Variants in MRPS6 observed in about 807,000 individuals in gnomAD.
MRPS6 encodes the protein small ribosomal subunit protein bS6m.
In MRPS6, 6 loss-of-function variants were observed where a neutral mutation model predicts 13.1. The ratio of observed to expected loss-of-function variants is 0.46; its 90% confidence interval spans 0.25 to 0.91. The LOEUF (loss-of-function observed/expected upper bound fraction) is 0.91. Among genes scored for constraint, MRPS6 ranks in the 40% least tolerant of loss-of-function variants. MRPS6 has a pLI of 0.18. For synonymous variants in MRPS6, 61 were observed against 56.5 expected, an observed-to-expected ratio of 1.08 and a Z score of -0.36; for missense variants, 164 against 155.6, an observed-to-expected ratio of 1.05 and a Z score of -0.29.
intron 1 of MRPS6, chr21:34,101,875 G>T: frequency 1.0e-6 from 1 of 1,000,108 alleles, no homozygotes; most frequent in Non-Finnish European, 1.2e-6. Context: ...TCAAAAATTA[G>T]GGAGAGAGCA....
At chr21:34,104,188 A>G (rs1979373207) in intron 1 of MRPS6, 3 of 999,894 alleles carry the variant, frequency 3.0e-6, no homozygotes, top group South Asian at 9.4e-5. Context: ...GAGTGTTCTG[A>G]GCATCAGACT....
At chr21:34,131,268 T>C (rs1189519571) in intron 2 of MRPS6, among the ~76,000 whole-genome samples, 2 of 152,350 alleles carry the variant, frequency 1.3e-5, no homozygotes, top group East Asian at 3.9e-4. Context: ...CCACGTGCGT[T>C]AGGACTTCTG....
chr21:34,099,491 G>C, intron 1 of MRPS6: 1 of 999,788 alleles, frequency 1.0e-6, no homozygotes, highest in Non-Finnish European at 1.2e-6. Context: ...TAAGTTGTAA[G>C]AACTAAAATT....
intron 1 of MRPS6, among the ~76,000 whole-genome samples, chr21:34,084,192 A>G (rs188957056): frequency 6.6e-6 from 1 of 152,356 alleles, no homozygotes; most frequent in African/African-American, 2.4e-5. Flanking sequence ...TTTCCAACTG[A>G]AAAGTATCTT....
chr21:34,095,864 C>G (rs752298091), intron 1 of MRPS6: 2 of 1,613,912 alleles, frequency 1.2e-6, no homozygotes, highest in African/African-American at 1.3e-5. Context: ...TGGCCTCACC[C>G]GATGTCACTT....
chr21:34,126,965 G>C (rs1310015084), intron 2 of MRPS6, among the ~76,000 whole-genome samples: 1 of 152,120 alleles, frequency 6.6e-6, no homozygotes, highest in Non-Finnish European at 1.5e-5. Flanking sequence ...GGGGTTGGGG[G>C]TGGGTAGCCG....
chr21:34,096,206 C>G lies in MRPS6; in HGVS notation c.45+22461C>G. The G allele has an allele frequency of 6.2e-7, 1 of 1,614,206 alleles. No homozygotes were observed. The highest frequency in any genetic ancestry group is 8.5e-7 in the Non-Finnish European group (1 of 1,180,026). ...TAGCTTGCATCAACCCAGAGCACTG[C>G]ATGCTGGTGTGTGGAAGCAGAGCTG... On this transcript the variant is annotated intron_variant, in intron 1 of 2. Coordinates refer to ENST00000399312, the MANE Select transcript of MRPS6 (RefSeq NM_032476.4). This position sits in a 1 kb window ranked among gnomAD's most constrained non-coding sequence, Gnocchi z 5.9.
intron 1 of MRPS6, among the ~76,000 whole-genome samples, chr21:34,110,830 A>C (rs1465303933): frequency 1.3e-5 from 2 of 152,360 alleles, no homozygotes; most frequent in African/African-American, 4.8e-5. Flanking sequence ...CAGTGATAAC[A>C]TTGTGCTCAA....
At chr21:34,125,208 T>C in intron 1 of MRPS6, 133 bp from the exon 2 acceptor site, 5 of 1,357,976 alleles carry the variant, frequency 3.7e-6, no homozygotes. Context: ...CAAAACCAGC[T>C]TCTGTTGCTT....
chr21:34,113,014 AC>A (rs766058574), intron 1 of MRPS6, among the ~76,000 whole-genome samples: 5 of 152,056 alleles, frequency 3.3e-5, no homozygotes, highest in African/African-American at 7.2e-5. Context: ...CAAATGAACA[AC>A]AACAACAACA....
intron 1 of MRPS6, among the ~76,000 whole-genome samples, chr21:34,092,540 G>A (rs977224968): frequency 6.6e-6 from 1 of 152,198 alleles, no homozygotes; most frequent in Non-Finnish European, 1.5e-5. Context: ...GAAGTTAGGA[G>A]TTAGGGCTAG....
intron 2 of MRPS6, 23 bp from the exon 3 acceptor site, chr21:34,142,385 C>T: frequency 6.5e-7 from 1 of 1,546,444 alleles, no homozygotes; most frequent in Non-Finnish European, 8.7e-7. Context: ...TGCAGACACT[C>T]ACAAGTTTTT....
rs199920454 is a variant in MRPS6 at position 34,142,540 on chromosome 21, A to G, written c.318A>G (p.Glu106=). Residue 106 remains glutamate, a synonymous_variant, in exon 3 of 3, where the codon GAA becomes GAG. Transcript: ENST00000399312. ...HPLTQELKEC[E]GIVPVPLAEK... ...TGACCCAGGAACTAAAAGAATGTGAAGGGATTGTCCCAGTCCCACTCGCAG... is the reference window on the plus strand; with the variant it reads ...TGACCCAGGAACTAAAAGAATGTGAGGGGATTGTCCCAGTCCCACTCGCAG... The G allele has an allele frequency of 3.7e-6, 6 of 1,613,592 alleles. No homozygotes were observed. In the East Asian group the frequency reaches 1.1e-4, roughly 30 times the overall value.
intron 2 of MRPS6, among the ~76,000 whole-genome samples, chr21:34,140,430 G>A (rs1475753411): frequency 1.1e-4 from 17 of 152,116 alleles, no homozygotes; most frequent in Middle Eastern, 3.4e-3. Context: ...GGCATTTTTC[G>A]AAGATTTTTG....
chr21:34,079,372 C>T (rs898904179), intron 1 of MRPS6, among the ~76,000 whole-genome samples: 1 of 152,030 alleles, frequency 6.6e-6, no homozygotes, highest in Non-Finnish European at 1.5e-5. Flanking sequence ...TTTCTAGGTG[C>T]ATCATTTTTC....
At chr21:34,131,497 T>G in intron 2 of MRPS6, among the ~76,000 whole-genome samples, 1 of 152,170 alleles carries the variant, frequency 6.6e-6, no homozygotes, top group Non-Finnish European at 1.5e-5. Context: ...CATGGCAACC[T>G]TCATGAGGAT....
At chr21:34,079,102 C>T (rs1192372222) in intron 1 of MRPS6, among the ~76,000 whole-genome samples, 2 of 152,212 alleles carry the variant, frequency 1.3e-5, no homozygotes, top group East Asian at 3.8e-4. Flanking sequence ...CAAGAGTTGG[C>T]AGCCTGTGGC....
chr21:34,073,843 C>G, intron 1 of MRPS6, 98 bp downstream of exon 1: 1 of 785,524 alleles, frequency 1.3e-6, no homozygotes, highest in Non-Finnish European at 1.7e-6. Flanking sequence ...GACCCCGGGC[C>G]TTCCTGCACT....
At chr21:34,112,195 A>G (rs944770416) in intron 1 of MRPS6, among the ~76,000 whole-genome samples, 6 of 152,070 alleles carry the variant, frequency 3.9e-5, no homozygotes, top group Admixed American at 1.3e-4. Context: ...TTATTTCTCA[A>G]TTCTCCATTT....
Sources: gnomAD v4.1 joint callset for allele counts (sites outside exome capture counted in the v4.1 genomes callset) on GRCh38, gnomAD v4.1.1 for gene constraint, Gnocchi (gnomAD v3.1) non-coding constraint, MANE v1.5 for transcripts, NCBI Gene and HGNC (gene_info 2026-07-23, HGNC 2026-07-21) for gene names.